CHERP: variants seen among roughly 807,000 people sequenced by gnomAD.
The protein encoded by CHERP is calcium homeostasis endoplasmic reticulum protein.
In CHERP, 8 loss-of-function variants were observed where a neutral mutation model predicts 113.8. That is an observed-to-expected ratio of 0.07 (90% CI 0.04 to 0.13). CHERP has a LOEUF of 0.13. Among genes scored for constraint, CHERP ranks in the 10% least tolerant of loss-of-function variants. The pLI, the probability that CHERP is intolerant of heterozygous loss-of-function variation, is 1.00. For missense variants in CHERP, 884 were observed against 1,298.2 expected (o/e 0.68, Z 4.90); for synonymous variants, 559 against 524.5 (o/e 1.07, Z -0.90).
chr19:16,520,653 TAA>T lies in CHERP; in HGVS notation c.2202-148_2202-147del. On this transcript the variant is annotated intron_variant, in intron 13 of 16. Transcript: ENST00000546361. The surrounding 1 kb of genome is among the most constrained non-coding windows in gnomAD (Gnocchi z 4.0). ...AGCCACAGCAACGGTACCAAGTTCC[TAA>T]ATAGTGTGGCCGAGCCTGCTGCTGT... is the stretch of plus-strand genomic sequence containing the variant. 8.5e-7 allele frequency: 1 copy of T among 1,176,726 alleles called. No individual in the cohort carries two copies. 72.9% of individuals were successfully genotyped at this position (1,176,726 alleles called of 1,614,324 possible).
intron 2 of CHERP, among the ~76,000 whole-genome samples, chr19:16,537,178 C>G (rs886998309): frequency 6.7e-6 from 1 of 149,682 alleles, no homozygotes; most frequent in Non-Finnish European, 1.5e-5. Flanking sequence ...CCCGCACCCC[C>G]CTCCTTCCCC....
chr19:16,518,606 A>T lies in CHERP; in HGVS notation c.*553T>A, dbSNP rs2085571604. 1 of 153,966 alleles carries T rather than the reference A, an allele frequency of 6.5e-6. No individual in the cohort carries two copies. Among genetic ancestry groups the T allele is most frequent in the Non-Finnish European group, 1.4e-5 (1 of 69,412 alleles). The allele number at this position is 153,966 out of a possible 1,614,324, so 9.5% of individuals were successfully genotyped here. A position where few individuals can be genotyped will look rare whatever the true frequency, so the allele number is the denominator to read the frequency against. ...AGAGTAAAAATGAAAACCCTGCTTC[A>T]CTTCGCAAGTCAAGTCAAAGTTTTG... On this transcript the variant is annotated 3_prime_UTR_variant, in exon 17 of 17. Coordinates refer to ENST00000546361, the MANE Select transcript of CHERP (RefSeq NM_006387.6).
At chr19:16,522,979 T>C in intron 11 of CHERP, 73 bp downstream of exon 11, 1 of 1,461,216 alleles carries the variant, frequency 6.8e-7, no homozygotes, top group Non-Finnish European at 9.0e-7. Context: ...TCCCGTGCAT[T>C]CACTTTTCAC....
At chr19:16,542,147 G>C (rs543307786) in intron 1 of CHERP, 104 bp from the exon 2 acceptor site, 26 of 1,351,236 alleles carry the variant, frequency 1.9e-5, no homozygotes, top group Non-Finnish European at 2.6e-5. Flanking sequence ...ACCCCAAGGG[G>C]GTGGGCCCCG....
intron 2 of CHERP, among the ~76,000 whole-genome samples, chr19:16,540,516 G>C (rs1234899298): frequency 6.6e-6 from 1 of 151,822 alleles, no homozygotes; most frequent in Non-Finnish European, 1.5e-5. Context: ...GGGACTACAG[G>C]TGTGTGCCAC....
Position 16,523,420 on chromosome 19 carries a change from C to T in CHERP, c.1742-130G>A, listed in dbSNP as rs2085635193. 5 of 1,071,844 alleles carry T rather than the reference C, an allele frequency of 4.7e-6. No individual in the cohort carries two copies. Among genetic ancestry groups the T allele is most frequent in the Non-Finnish European group, 6.8e-6 (5 of 738,630 alleles). The allele number at this position is 1,071,844 out of a possible 1,614,324, so 66.4% of individuals were successfully genotyped here. A position where few individuals can be genotyped will look rare whatever the true frequency, so the allele number is the denominator to read the frequency against. On this transcript the variant is annotated intron_variant, in intron 10 of 16. Coordinates refer to ENST00000546361, the MANE Select transcript of CHERP (RefSeq NM_006387.6). The surrounding 1 kb of genome is among the most constrained non-coding windows in gnomAD (Gnocchi z 4.0). ...CCTGGGAGCCTGTCCAGCATCTTCT[C>T]TCACTGCTTAAGACCAGGCAGCAAG...
chr19:16,532,414 C>T lies in CHERP; in HGVS notation c.674+184G>A. The T allele has an allele frequency of 1.5e-6, 1 of 683,946 alleles. No homozygotes were observed. Among genetic ancestry groups the T allele is most frequent in the Non-Finnish European group, 2.4e-6 (1 of 417,966 alleles). The allele number at this position is 683,946 out of a possible 1,614,324, so 42.4% of individuals were successfully genotyped here. On this transcript the variant is annotated intron_variant, in intron 5 of 16. Coordinates refer to ENST00000546361, the MANE Select transcript of CHERP (RefSeq NM_006387.6). This position sits in a 1 kb window ranked among gnomAD's most constrained non-coding sequence, Gnocchi z 4.4. ...GCGAAGGTGCACAGGACACCTAGAC[C>T]TCGCAGTCCTGGAGACAGAAGCCTG... is the stretch of plus-strand genomic sequence containing the variant.
intron 1 of CHERP, 151 bp from the exon 2 acceptor site, chr19:16,542,194 C>T: frequency 1.8e-6 from 2 of 1,086,996 alleles, no homozygotes; most frequent in South Asian, 1.9e-5. Flanking sequence ...ATAGGGGCCA[C>T]ACGCTCGCCG....
In CHERP at chr19:16,532,545, T is replaced by C. The variant is rs779218876; in HGVS notation, c.674+53A>G. The C allele has an allele frequency of 3.1e-5, 47 of 1,506,236 alleles. No individual in the cohort carries two copies. Among genetic ancestry groups the C allele is most frequent in the Non-Finnish European group, 3.8e-5 (43 of 1,125,060 alleles). The allele number at this position is 1,506,236 out of a possible 1,614,324, so 93.3% of individuals were successfully genotyped here. On this transcript the variant is annotated intron_variant, in intron 5 of 16. Transcript: ENST00000546361. This position sits in a 1 kb window ranked among gnomAD's most constrained non-coding sequence, Gnocchi z 4.4. ...CGGAGCAAGCGGCCACCCAGGAGGG[T>C]TGAGGAGGAGCGCGAGGAAGTGGCG...
Position 16,535,310 on chromosome 19 carries a change from A to C in CHERP, c.384+142T>G, listed in dbSNP as rs1480388849. ...GTCTGGCATCAGGGCTGGGGGTGAC[A>C]GTGGCTGACATGCACCGAGCCCTGG... On this transcript the variant is annotated intron_variant, in intron 3 of 16. Coordinates refer to ENST00000546361, the MANE Select transcript of CHERP (RefSeq NM_006387.6). This position sits in a 1 kb window ranked among gnomAD's most constrained non-coding sequence, Gnocchi z 4.3. 4.8e-6 allele frequency: 4 copies of C among 826,948 alleles called. No homozygotes were observed. The highest frequency in any genetic ancestry group is 1.7e-5 in the African/African-American group (1 of 58,796). The allele number at this position is 826,948 out of a possible 1,614,324, so 51.2% of individuals were successfully genotyped here.
intron 2 of CHERP, among the ~76,000 whole-genome samples, chr19:16,538,555 C>T (rs142885484): frequency 0.021 from 3,147 of 152,258 alleles, 109 homozygotes; most frequent in Admixed American, 0.082. Context: ...TGGTGGCGCA[C>T]GCCTGTAGTC....
chr19:16,521,597 T>TG lies in CHERP; in HGVS notation c.2037dup (p.Met680HisfsTer27), dbSNP rs1488352989. 1 of 1,608,708 alleles carries TG rather than the reference T, an allele frequency of 6.2e-7. No homozygotes were observed. On this transcript the variant is annotated frameshift_variant, in exon 12 of 17. Coordinates refer to ENST00000546361, the MANE Select transcript of CHERP (RefSeq NM_006387.6). LOFTEE classifies it high-confidence loss of function. ...GCCAGCAGCCTCTCGCTGGGCGGCA[T>TG]GGGGGGTGGGAGGCGGATGTCTTTA...
Position 16,530,928 on chromosome 19 carries a change from G to A in CHERP, c.675-48C>T, listed in dbSNP as rs374603428. ...GCGTCAGGGCCCTGGGGCGGGACCCGGCCACGCGCCCGTTACCATCGCGGC... is the reference window on the plus strand; with the variant it reads ...GCGTCAGGGCCCTGGGGCGGGACCCAGCCACGCGCCCGTTACCATCGCGGC... On this transcript the variant is annotated intron_variant, in intron 5 of 16. Coordinates refer to ENST00000546361, the MANE Select transcript of CHERP (RefSeq NM_006387.6). This position sits in a 1 kb window ranked among gnomAD's most constrained non-coding sequence, Gnocchi z 4.1. 59 of 1,595,580 alleles carry A rather than the reference G, an allele frequency of 3.7e-5. No individual in the cohort carries two copies. The African/African-American group carries it at 6.2e-4, about 17-fold the overall frequency.
chr19:16,528,755 C>T (rs1432993204), intron 8 of CHERP, among the ~76,000 whole-genome samples: 1 of 152,138 alleles, frequency 6.6e-6, no homozygotes, highest in Non-Finnish European at 1.5e-5. Flanking sequence ...AGATCGAGAC[C>T]ATCCTGGCTA....
chr19:16,524,146 A>C (rs1308787306), intron 10 of CHERP, among the ~76,000 whole-genome samples: 2 of 152,122 alleles, frequency 1.3e-5, no homozygotes, highest in Non-Finnish European at 2.9e-5. Flanking sequence ...GCTACTGAGG[A>C]GGCCAAGGTG....
intron 12 of CHERP, 177 bp from the exon 13 acceptor site, chr19:16,521,089 C>T (rs1356216166): frequency 1.1e-5 from 7 of 637,332 alleles, no homozygotes; most frequent in Admixed American, 4.7e-5. Context: ...TGTCCTCCTG[C>T]AGCCCAGTGG....
chr19:16,541,737 G>A (rs1230373583), intron 2 of CHERP, 133 bp downstream of exon 2: 1 of 928,318 alleles, frequency 1.1e-6, no homozygotes, highest in East Asian at 2.4e-5. Context: ...AGCGGAACAG[G>A]GATCGTGTGG....
intron 2 of CHERP, among the ~76,000 whole-genome samples, chr19:16,537,226 C>T (rs113702125): frequency 6.6e-6 from 1 of 151,308 alleles, no homozygotes; most frequent in African/African-American, 2.4e-5. Flanking sequence ...CTCAGCCCCC[C>T]GGGCCTGTCG....
chr19:16,532,356 G>T lies in CHERP; in HGVS notation c.674+242C>A. 1 of 482,088 alleles carries T rather than the reference G, an allele frequency of 2.1e-6. No homozygotes were observed. Among genetic ancestry groups the T allele is most frequent in the Non-Finnish European group, 3.7e-6 (1 of 272,164 alleles). The allele number at this position is 482,088 out of a possible 1,614,324, so 29.9% of individuals were successfully genotyped here. The stretch of plus-strand genomic sequence containing the variant: ...CAGGAGACAGCAATGTGACAGGTGA[G>T]GCCGGGGTCTAGGGGAGAGGACAGG... On this transcript the variant is annotated intron_variant, in intron 5 of 16. Transcript: ENST00000546361. This position sits in a 1 kb window ranked among gnomAD's most constrained non-coding sequence, Gnocchi z 4.4.
Sources: allele counts gnomAD v4.1 joint callset (sites outside exome capture counted in the v4.1 genomes callset), GRCh38; gene constraint gnomAD v4.1.1; non-coding constraint Gnocchi (gnomAD v3.1); transcripts MANE v1.5; gene names NCBI Gene and HGNC (gene_info 2026-07-23, HGNC 2026-07-21).